CCNE2: variants seen among roughly 807,000 people sequenced by gnomAD.
CCNE2 encodes G1/S-specific cyclin-E2.
In CCNE2, 18 loss-of-function variants were observed where a neutral mutation model predicts 56.8. The ratio of observed to expected loss-of-function variants is 0.32; its 90% CI spans 0.22 to 0.47. CCNE2 has a LOEUF of 0.47. Among genes scored for constraint, CCNE2 ranks in the 20% least tolerant of loss-of-function variants. The pLI, the probability that CCNE2 is intolerant of heterozygous loss-of-function variation, is 1.00. For missense variants in CCNE2, 371 were observed against 467.1 expected (o/e 0.79, Z 1.90); for synonymous variants, 139 against 149.2 (o/e 0.93, Z 0.50).
Position 94,880,504 on chromosome 8 carries a change from C to A in CCNE2, c.*1128G>T, listed in dbSNP as rs1030880828. ...TAGTTTTCTAATCTACTTTATGAGG[C>A]TGGATTTTTTTTTTAGAAAAGCTAA... On this transcript the variant is annotated 3_prime_UTR_variant, in exon 12 of 12. Transcript: ENST00000308108. 2 of 303,532 alleles carry A rather than the reference C, an allele frequency of 6.6e-6. No individual in the cohort carries two copies. Among genetic ancestry groups the A allele is most frequent in the African/African-American group, 2.1e-5 (1 of 46,692 alleles). The allele number at this position is 303,532 out of a possible 1,614,324, so 18.8% of individuals were successfully genotyped here. A position where few individuals can be genotyped will look rare whatever the true frequency, so the allele number is the denominator to read the frequency against.
chr8:94,889,362 A>C (rs750212607), intron 6 of CCNE2, among the ~76,000 whole-genome samples: 15 of 152,230 alleles, frequency 9.9e-5, no homozygotes, highest in Non-Finnish European at 1.6e-4. Flanking sequence ...AATCATATTT[A>C]GGTAAAAACA....
Position 94,881,180 on chromosome 8 carries a change from C to T in CCNE2, c.*452G>A. Reference sequence around the variant, plus strand: ...CAAGTTTAAATTTAATTTTCAAGAACCAAATTGCACTAGTCAAGAGTGTAG... The same window carrying T: ...CAAGTTTAAATTTAATTTTCAAGAATCAAATTGCACTAGTCAAGAGTGTAG... On this transcript the variant is annotated 3_prime_UTR_variant, in exon 12 of 12. Transcript: ENST00000308108. The T allele has an allele frequency of 2.6e-6, 1 of 383,768 alleles. No individual in the cohort carries two copies. Among genetic ancestry groups the T allele is most frequent in the Non-Finnish European group, 4.6e-6 (1 of 217,206 alleles). The allele number at this position is 383,768 out of a possible 1,614,324, so 23.8% of individuals were successfully genotyped here. A position where few individuals can be genotyped will look rare whatever the true frequency, so the allele number is the denominator to read the frequency against.
Position 94,882,266 on chromosome 8 carries a change from C to T in CCNE2, c.967G>A (p.Glu323Lys). Reference sequence around the variant, plus strand: ...AAAGGTACCATCCAATCTACACATTCTGAAATACTGTCCCACTCCAAACCT... The same window carrying T: ...AAAGGTACCATCCAATCTACACATTTTGAAATACTGTCCCACTCCAAACCT... The part of the protein sequence containing the change: ...ASGLEWDSIS[E>K]CVDWMVPFVN... The change falls in exon 11 of 12, where the codon GAA becomes AAA. Residue 323 changes from glutamate (E) to lysine (K), a missense_variant. Glu to Lys is a moderately conservative substitution (Grantham distance 56). Coordinates refer to ENST00000308108, the MANE Select transcript of CCNE2 (RefSeq NM_057749.3). 1 of 1,610,444 alleles carries T rather than the reference C, an allele frequency of 6.2e-7. No individual in the cohort carries two copies.
At chr8:94,893,772 G>C in intron 4 of CCNE2, 119 bp downstream of exon 4, 1 of 1,036,128 alleles carries the variant, frequency 9.7e-7, no homozygotes, top group East Asian at 2.4e-5. Context: ...TGACCTCTAG[G>C]GGCATTAAAA....
In CCNE2 at chr8:94,882,775, T is replaced by C; in HGVS notation, c.943+6A>G. The C allele has an allele frequency of 6.3e-7, 1 of 1,589,166 alleles. No homozygotes were observed. Among genetic ancestry groups the C allele is most frequent in the Non-Finnish European group, 8.6e-7 (1 of 1,157,808 alleles). On this transcript the variant is annotated splice_donor_region_variant and intron_variant, in intron 10 of 11. Coordinates refer to ENST00000308108, the MANE Select transcript of CCNE2 (RefSeq NM_057749.3). The stretch of plus-strand genomic sequence containing the variant: ...AGGTAAGAAGACAACAAATAGAGAG[T>C]CTTACCTGAGGCTTTCTTAACCACT...
chr8:94,883,809 A>G, intron 9 of CCNE2: 1 of 447,058 alleles, frequency 2.2e-6, no homozygotes, highest in Admixed American at 2.4e-5. Context: ...GTGGAATGGT[A>G]TAGTGTAAAA....
chr8:94,890,141 A>G (rs182433985), intron 6 of CCNE2, among the ~76,000 whole-genome samples: 1 of 152,344 alleles, frequency 6.6e-6, no homozygotes, highest in East Asian at 1.9e-4. Flanking sequence ...CACCTTGAGT[A>G]TCTGTGGCAC....
chr8:94,881,842 G>T, intron 11 of CCNE2, 97 bp from the exon 12 acceptor site: 1 of 1,387,862 alleles, frequency 7.2e-7, no homozygotes, highest in Non-Finnish European at 9.8e-7. Flanking sequence ...AATTTTAATA[G>T]TCTTTTTATG....
intron 1 of CCNE2, chr8:94,894,576 G>A (rs954449342): frequency 7.8e-6 from 2 of 257,538 alleles, no homozygotes; most frequent in East Asian, 7.6e-5. Flanking sequence ...ACCGGGAGTG[G>A]GGCTTGGGCA....
chr8:94,883,008 G>T, intron 9 of CCNE2, 116 bp from the exon 10 acceptor site: 2 of 607,632 alleles, frequency 3.3e-6, no homozygotes, highest in Non-Finnish European at 5.7e-6. Context: ...AGGCGCGGTG[G>T]CTCACGCCTG....
At position 94,890,487 on chromosome 8, in the gene CCNE2, G is replaced by A; in HGVS notation, c.381C>T (p.Asp127=). The A allele has an allele frequency of 6.2e-7, 1 of 1,605,158 alleles. No homozygotes were observed. Among genetic ancestry groups the A allele is most frequent in the Non-Finnish European group, 8.5e-7 (1 of 1,174,758 alleles). Residue 127 remains aspartate, a synonymous_variant, in exon 6 of 12, where the codon GAC becomes GAT. Transcript: ENST00000308108. The part of the protein sequence containing the change: ...MLKKESRYVH[D]KHFEVLHSDL... ...CAGAATGCAGAACTTCAAAATGTTT[G>A]TCATGAACATATCTGCTCTCCTTTT...
At position 94,882,992 on chromosome 8, in the gene CCNE2, CCGGCCAGG is replaced by C. The variant is rs1482403805; in HGVS notation, c.832-108_832-101del. 22 of 773,978 alleles carry C rather than the reference CCGGCCAGG, an allele frequency of 2.8e-5. 1 individual carries two copies. Among genetic ancestry groups the C allele is most frequent in the Non-Finnish European group, 4.4e-5 (21 of 474,536 alleles). 47.9% of individuals were successfully genotyped at this position (773,978 alleles called of 1,614,324 possible). ...GATCTAGAGATAAATAAGCCACCAC[CCGGCCAGG>C]CGCGGTGGCTCACGCCTGTAATCCC... On this transcript the variant is annotated intron_variant, in intron 9 of 11. Coordinates refer to ENST00000308108, the MANE Select transcript of CCNE2 (RefSeq NM_057749.3).
intron 5 of CCNE2, chr8:94,891,588 G>A (rs1020245164): frequency 1.3e-5 from 5 of 372,396 alleles, no homozygotes; most frequent in African/African-American, 6.5e-5. Context: ...CACCCAGGAG[G>A]TGGAGGTTGC....
At chr8:94,895,242 T>C (rs1586562420), upstream of CCNE2, 1 of 985,448 alleles carries the variant, frequency 1.0e-6, no homozygotes, top group Non-Finnish European at 1.2e-6. Flanking sequence ...GCCGGGCCGG[T>C]CCCGCCCCGC....
intron 11 of CCNE2, 172 bp from the exon 12 acceptor site, chr8:94,881,917 T>C: frequency 2.3e-6 from 2 of 884,726 alleles, no homozygotes; most frequent in Non-Finnish European, 3.3e-6. Context: ...TTTAAACTCT[T>C]TATCTAGACT....
chr8:94,895,352 C>T (rs1272743715), upstream of CCNE2: 2 of 700,894 alleles, frequency 2.9e-6, no homozygotes, highest in Non-Finnish European at 1.8e-6. Context: ...AGTGCGCGCC[C>T]GCCACCCGGA....
chr8:94,884,957 TAAG>T (rs1349077861), intron 9 of CCNE2, 107 bp downstream of exon 9: 11 of 912,594 alleles, frequency 1.2e-5, no homozygotes, highest in Admixed American at 2.7e-5. Context: ...GTTCTAGAAT[TAAG>T]GAGTGAAGTC....
At chr8:94,894,145 T>C in intron 2 of CCNE2, 26 bp from the exon 3 acceptor site, 1 of 1,613,582 alleles carries the variant, frequency 6.2e-7, no homozygotes, top group Non-Finnish European at 8.5e-7. Context: ...AAAAAGGAAG[T>C]GTAATTAGTA....
upstream of CCNE2, among the ~76,000 whole-genome samples, chr8:94,895,471 C>G (rs1817468604): frequency 6.6e-6 from 1 of 152,212 alleles, no homozygotes; most frequent in Non-Finnish European, 1.5e-5. Context: ...CGCGGCTGTT[C>G]TCCCCGCCGC....
Sources: allele counts gnomAD v4.1 joint callset (sites outside exome capture counted in the v4.1 genomes callset), GRCh38; gene constraint gnomAD v4.1.1; transcripts MANE v1.5; gene names NCBI Gene and HGNC (gene_info 2026-07-23, HGNC 2026-07-21).